CDK13: variants seen among roughly 807,000 people sequenced by gnomAD.
CDK13 encodes the protein cyclin-dependent kinase 13.
In CDK13, 40 loss-of-function variants were observed where a neutral mutation model predicts 137.6. The ratio of observed to expected loss-of-function variants is 0.29; its 90% CI spans 0.23 to 0.38. The LOEUF is 0.38. CDK13 is among the 10% of genes least tolerant of loss of function. CDK13 has a pLI of 1.00. For synonymous variants in CDK13, 869 were observed against 760.1 expected (o/e 1.14, Z -2.36); for missense variants, 1,704 against 1,951.8 (o/e 0.87, Z 2.39).
intron 13 of CDK13, among the ~76,000 whole-genome samples, chr7:40,093,574 A>G (rs1584098043): frequency 6.6e-6 from 1 of 152,302 alleles, no homozygotes; most frequent in African/African-American, 2.4e-5. Flanking sequence ...GCAATGAAGT[A>G]TACGTGAATT....
intron 5 of CDK13, among the ~76,000 whole-genome samples, chr7:40,031,788 G>A (rs1248289924): frequency 6.6e-6 from 1 of 150,612 alleles, no homozygotes; most frequent in Admixed American, 6.6e-5. Context: ...CGGGACTGCA[G>A]GCACTCACCA....
At position 39,996,961 on chromosome 7, in the gene CDK13, C is replaced by CAAAA. The variant is rs72210233; in HGVS notation, c.1872-521_1872-518dup. 7.7e-3 allele frequency among the ~76,000 whole-genome samples: 636 copies of CAAAA among 83,052 alleles called. 116 individuals carry two copies. The highest frequency in any genetic ancestry group is 0.045 in the African/African-American group (568 of 12,630). 54.5% of individuals were successfully genotyped at this position (83,052 alleles called of 152,430 possible). ...CTTGGGTGACAGTGAGATTCCATCT[C>CAAAA]AAAAAAAAAAAAAAAGAAAAAAAAA... On this transcript the variant is annotated intron_variant, in intron 2 of 13. Coordinates refer to ENST00000181839, the MANE Select transcript of CDK13 (RefSeq NM_003718.5).
chr7:39,958,073 A>G (rs1266399741), intron 1 of CDK13, among the ~76,000 whole-genome samples: 1 of 152,186 alleles, frequency 6.6e-6, no homozygotes, highest in Non-Finnish European at 1.5e-5. Flanking sequence ...CTGCACATTT[A>G]AATTGTGGAA....
chr7:39,950,461 C>A lies in CDK13; in HGVS notation c.-181C>A. 8.0e-7 allele frequency: 1 copy of A among 1,251,486 alleles called. No individual in the cohort carries two copies. Among genetic ancestry groups the A allele is most frequent in the Non-Finnish European group, 1.0e-6 (1 of 998,994 alleles). 77.5% of individuals were successfully genotyped at this position (1,251,486 alleles called of 1,614,324 possible). On this transcript the variant is annotated 5_prime_UTR_variant, in exon 1 of 14. Coordinates refer to ENST00000181839, the MANE Select transcript of CDK13 (RefSeq NM_003718.5). ...TGGGGCCCGGAGGCTGCTGCGTACC[C>A]CACTGTGACCTGGAACCCAGGGACC...
chr7:39,965,946 C>T (rs969930216), intron 1 of CDK13, among the ~76,000 whole-genome samples: 1 of 152,160 alleles, frequency 6.6e-6, no homozygotes, highest in Non-Finnish European at 1.5e-5. Context: ...AATATTGGCC[C>T]CCACTCTCTT....
At position 39,970,039 on chromosome 7, in the gene CDK13, C is replaced by T. The variant is rs145095786; in HGVS notation, c.1212-17560C>T. 9.6e-3 allele frequency among the ~76,000 whole-genome samples: 1,352 copies of T among 140,944 alleles called. 20 individuals are homozygous for T. Among genetic ancestry groups the T allele is most frequent in the African/African-American group, 0.035 (1,281 of 37,060 alleles). The allele number at this position is 140,944 out of a possible 152,430, so 92.5% of individuals were successfully genotyped here. A position where few individuals can be genotyped will look rare whatever the true frequency, so the allele number is the denominator to read the frequency against. On this transcript the variant is annotated intron_variant, in intron 1 of 13. Coordinates refer to ENST00000181839, the MANE Select transcript of CDK13 (RefSeq NM_003718.5). ...ATGCTTTTTTTTTTTTTTTTTGAGA[C>T]AGCGTGTCTCACTCTGTCGCCCAGG...
intron 5 of CDK13, among the ~76,000 whole-genome samples, chr7:40,008,485 A>G (rs1053381354): frequency 1.3e-5 from 2 of 152,230 alleles, no homozygotes; most frequent in African/African-American, 2.4e-5. Context: ...AGACTAATAC[A>G]TGAATGACAA....
chr7:40,015,852 GA>G (rs1284067595), intron 5 of CDK13, among the ~76,000 whole-genome samples: 3 of 151,988 alleles, frequency 2.0e-5, no homozygotes, highest in Middle Eastern at 3.2e-3. Flanking sequence ...CCACCAGAAA[GA>G]AAAAAACGAG....
chr7:40,003,589 T>A (rs1784739468), intron 5 of CDK13, among the ~76,000 whole-genome samples: 1 of 152,196 alleles, frequency 6.6e-6, no homozygotes, highest in Non-Finnish European at 1.5e-5. Flanking sequence ...TTGTCTTTCA[T>A]AGTTAGAATT....
chr7:40,002,297 T>C, intron 5 of CDK13: 1 of 200,340 alleles, frequency 5.0e-6, no homozygotes, highest in Non-Finnish European at 1.0e-5. Context: ...TGTATAGTTT[T>C]TAGTATTCAT....
At chr7:40,001,256 C>G (rs1048343528) in intron 4 of CDK13, among the ~76,000 whole-genome samples, 15 of 148,966 alleles carry the variant, frequency 1.0e-4, no homozygotes, top group African/African-American at 3.7e-4. Flanking sequence ...TGCACTGTTG[C>G]CAGGGCTGGA....
intron 11 of CDK13, among the ~76,000 whole-genome samples, chr7:40,082,837 A>G (rs1786696652): frequency 6.6e-6 from 1 of 151,818 alleles, no homozygotes; most frequent in African/African-American, 2.4e-5. Context: ...GCAGTGGCTC[A>G]TGCCTGTAAT....
intron 5 of CDK13, among the ~76,000 whole-genome samples, chr7:40,040,593 A>T (rs1263074554): frequency 6.6e-6 from 1 of 152,210 alleles, no homozygotes; most frequent in Admixed American, 6.5e-5. Flanking sequence ...TAACATAGGG[A>T]TAATTAACAT....
chr7:40,058,390 G>T (rs1352171485), intron 7 of CDK13, among the ~76,000 whole-genome samples: 1 of 151,866 alleles, frequency 6.6e-6, no homozygotes, highest in Non-Finnish European at 1.5e-5. Flanking sequence ...AGAAGTTAAG[G>T]GTAGCTGGGC....
intron 11 of CDK13, among the ~76,000 whole-genome samples, chr7:40,085,198 TA>T (rs1416695582): frequency 1.3e-5 from 2 of 151,990 alleles, no homozygotes; most frequent in African/African-American, 4.8e-5. Flanking sequence ...CCGTCTCTAC[TA>T]AAAATACGAA....
intron 1 of CDK13, among the ~76,000 whole-genome samples, chr7:39,955,982 C>T (rs765865638): frequency 1.3e-5 from 2 of 151,302 alleles, no homozygotes; most frequent in Non-Finnish European, 2.9e-5. Context: ...TGGGTGGACT[C>T]TAAATATAAA....
intron 5 of CDK13, among the ~76,000 whole-genome samples, chr7:40,024,095 C>T (rs911475303): frequency 6.6e-6 from 1 of 152,158 alleles, no homozygotes; most frequent in African/African-American, 2.4e-5. Context: ...ACTCATTTAT[C>T]TCAGAGGAAG....
At chr7:40,052,145 T>G (rs1785903730) in intron 7 of CDK13, among the ~76,000 whole-genome samples, 1 of 151,356 alleles carries the variant, frequency 6.6e-6, no homozygotes, top group African/African-American at 2.4e-5. Context: ...AGCCTCATTT[T>G]CTAGAGAAGA....
chr7:40,073,984 C>T (rs1400235942), intron 9 of CDK13, among the ~76,000 whole-genome samples: 1 of 150,942 alleles, frequency 6.6e-6, no homozygotes, highest in Non-Finnish European at 1.5e-5. Flanking sequence ...CTCACTGCAA[C>T]CTCCACCTCC....
Sources: allele counts gnomAD v4.1 joint callset (sites outside exome capture counted in the v4.1 genomes callset), GRCh38; gene constraint gnomAD v4.1.1; transcripts MANE v1.5; gene names NCBI Gene and HGNC (gene_info 2026-07-23, HGNC 2026-07-21).